Variants in LHFPL6 observed in about 807,000 individuals in gnomAD.
LHFPL6 encodes the protein LHFPL tetraspan subfamily member 6 protein.
In LHFPL6, 9 loss-of-function variants were observed where a neutral mutation model predicts 20.6. The observed-to-expected ratio is 0.44, with a 90% CI of 0.26 to 0.76. The LOEUF (loss-of-function observed/expected upper bound fraction) is 0.76, where lower values mean the gene tolerates loss of function less well. Among genes scored for constraint, LHFPL6 ranks in the 30% least tolerant of loss-of-function variants. The pLI is 0.20. For synonymous variants in LHFPL6, 105 were observed against 98.7 expected, an observed-to-expected ratio of 1.06 and a Z score of -0.38; for missense variants, 218 against 253.5, an observed-to-expected ratio of 0.86 and a Z score of 0.95.
chr13:39,532,673 CAG>C (rs1363438668), intron 2 of LHFPL6, among the ~76,000 whole-genome samples: 2 of 152,082 alleles, frequency 1.3e-5, no homozygotes, highest in African/African-American at 4.8e-5. Flanking sequence ...TTAATAGAGA[CAG>C]AATGTTTTCT....
At chr13:39,581,186 C>T (rs1273770436) in intron 2 of LHFPL6, among the ~76,000 whole-genome samples, 1 of 152,142 alleles carries the variant, frequency 6.6e-6, no homozygotes, top group East Asian at 1.9e-4. Flanking sequence ...TTCCCTGGTC[C>T]AATATTTTCC....
intron 1 of LHFPL6, among the ~76,000 whole-genome samples, chr13:39,601,775 G>T (rs1023750473): frequency 3.3e-5 from 5 of 152,128 alleles, no homozygotes; most frequent in Non-Finnish European, 7.4e-5. Flanking sequence ...TTTTTGGCTT[G>T]CAAGTTCATG....
At chr13:39,447,321 A>T (rs1436841138) in intron 2 of LHFPL6, among the ~76,000 whole-genome samples, 1 of 152,200 alleles carries the variant, frequency 6.6e-6, no homozygotes, top group African/African-American at 2.4e-5. Flanking sequence ...TCTTTTTTTA[A>T]GCTTTCTCTT....
At chr13:39,453,539 T>C (rs192018407) in intron 2 of LHFPL6, among the ~76,000 whole-genome samples, 4 of 152,350 alleles carry the variant, frequency 2.6e-5, no homozygotes, top group Admixed American at 2.6e-4. Flanking sequence ...GATTATCTCA[T>C]TTAAATTTCA....
intron 2 of LHFPL6, among the ~76,000 whole-genome samples, chr13:39,580,029 G>A (rs938521656): frequency 8.5e-5 from 13 of 152,206 alleles, no homozygotes; most frequent in South Asian, 6.2e-4. Flanking sequence ...TGTATATTAC[G>A]AAGTGCCATA....
At chr13:39,422,007 T>C (rs1871503372) in intron 2 of LHFPL6, among the ~76,000 whole-genome samples, 1 of 152,226 alleles carries the variant, frequency 6.6e-6, no homozygotes, top group Middle Eastern at 3.2e-3. Flanking sequence ...GGGTTTTTTA[T>C]TGTTGCTACC....
chr13:39,599,723 G>C (rs990628802), intron 2 of LHFPL6, among the ~76,000 whole-genome samples: 1 of 152,220 alleles, frequency 6.6e-6, no homozygotes, highest in Non-Finnish European at 1.5e-5. Flanking sequence ...TACTGAAAAT[G>C]TTACTTGAAA....
chr13:39,520,701 C>T (rs951943208), intron 2 of LHFPL6, among the ~76,000 whole-genome samples: 3 of 152,106 alleles, frequency 2.0e-5, no homozygotes, highest in Non-Finnish European at 4.4e-5. Context: ...ACAACAACAG[C>T]GATGGCATCG....
At chr13:39,519,991 G>C (rs924763260) in intron 2 of LHFPL6, among the ~76,000 whole-genome samples, 3 of 152,178 alleles carry the variant, frequency 2.0e-5, no homozygotes, top group Non-Finnish European at 2.9e-5. Context: ...CACAAGAAAG[G>C]CTTCCTAGAC....
At chr13:39,594,645 C>G (rs1266859975) in intron 2 of LHFPL6, among the ~76,000 whole-genome samples, 1 of 152,190 alleles carries the variant, frequency 6.6e-6, no homozygotes, top group South Asian at 2.1e-4. Context: ...ATAAAACATG[C>G]TGCTATAAAG....
intron 3 of LHFPL6, among the ~76,000 whole-genome samples, chr13:39,366,635 A>T (rs1402732959): frequency 6.6e-6 from 1 of 152,212 alleles, no homozygotes; most frequent in Non-Finnish European, 1.5e-5. Flanking sequence ...AATTTTGTGG[A>T]CGCTGGCAAA....
intron 2 of LHFPL6, among the ~76,000 whole-genome samples, chr13:39,561,314 T>G (rs1871475365): frequency 6.6e-6 from 1 of 152,136 alleles, no homozygotes; most frequent in African/African-American, 2.4e-5. Flanking sequence ...CCAGCAGCAT[T>G]GATGTCTCCA....
chr13:39,499,643 T>G (rs1869226482), intron 2 of LHFPL6, among the ~76,000 whole-genome samples: 1 of 152,210 alleles, frequency 6.6e-6, no homozygotes, highest in African/African-American at 2.4e-5. Flanking sequence ...TACCTGGGTT[T>G]CTGAGAATTG....
At chr13:39,527,795 T>C (rs1870342724) in intron 2 of LHFPL6, among the ~76,000 whole-genome samples, 1 of 152,210 alleles carries the variant, frequency 6.6e-6, no homozygotes, top group Non-Finnish European at 1.5e-5. Flanking sequence ...CTCATACTTC[T>C]GTTATTTTTT....
intron 2 of LHFPL6, among the ~76,000 whole-genome samples, chr13:39,585,452 C>T (rs1872421281): frequency 6.6e-6 from 1 of 152,130 alleles, no homozygotes; most frequent in Non-Finnish European, 1.5e-5. Flanking sequence ...TCATAGACAA[C>T]AATCAAGGGA....
At chr13:39,490,577 T>C (rs894550012) in intron 2 of LHFPL6, among the ~76,000 whole-genome samples, 1 of 152,192 alleles carries the variant, frequency 6.6e-6, no homozygotes, top group African/African-American at 2.4e-5. Context: ...CTACAGTAAG[T>C]CAGTAGCTAC....
At chr13:39,434,561 T>C (rs1392970069) in intron 2 of LHFPL6, among the ~76,000 whole-genome samples, 1 of 152,206 alleles carries the variant, frequency 6.6e-6, no homozygotes, top group African/African-American at 2.4e-5. Flanking sequence ...CTTGCTTTCA[T>C]AGTAACATTG....
intron 2 of LHFPL6, among the ~76,000 whole-genome samples, chr13:39,481,309 G>A (rs1225068094): frequency 6.6e-6 from 1 of 152,150 alleles, no homozygotes; most frequent in Non-Finnish European, 1.5e-5. Context: ...CAACCCATAC[G>A]AAGCACCTAT....
chr13:39,469,115 G>A (rs1436436550), intron 2 of LHFPL6, among the ~76,000 whole-genome samples: 1 of 152,144 alleles, frequency 6.6e-6, no homozygotes, highest in Non-Finnish European at 1.5e-5. Flanking sequence ...TAACTCTCTT[G>A]CCAGTAGAGC....
Sources: allele counts gnomAD v4.1 joint callset (sites outside exome capture counted in the v4.1 genomes callset), GRCh38; gene constraint gnomAD v4.1.1; transcripts MANE v1.5; gene names NCBI Gene and HGNC (gene_info 2026-07-23, HGNC 2026-07-21).